Variants in MICU3 observed in about 807,000 individuals in gnomAD.
The protein encoded by MICU3 is calcium uptake protein 3, mitochondrial.
Under a neutral mutation model 66.5 loss-of-function variants are expected in MICU3, and 62 were observed. The observed-to-expected ratio is 0.93, with a 90% confidence interval of 0.76 to 1.15. The LOEUF is 1.15. Ranked by LOEUF, MICU3 falls within the 50% of genes most tolerant of loss-of-function variation. The pLI, the probability that MICU3 is intolerant of heterozygous loss-of-function variation, is 0.00. For synonymous variants in MICU3, 308 were observed against 240.7 expected, an observed-to-expected ratio of 1.28 and a Z score of -2.59; for missense variants, 779 against 664.4, an observed-to-expected ratio of 1.17 and a Z score of -1.90.
chr8:17,134,464 A>T, the MICU3 span, among the ~76,000 whole-genome samples: 2 of 122,762 alleles, frequency 1.6e-5, no homozygotes, highest in African/African-American at 2.9e-5. Flanking sequence ...TGTTTGTTTG[A>T]GACAGAGCCT....
rs1405754085 is a variant in MICU3, at chr8:17,064,124, A to G, written c.422A>G (p.Tyr141Cys). The G allele has an allele frequency of 1.2e-6, 2 of 1,613,202 alleles. No individual in the cohort carries two copies. Among genetic ancestry groups the G allele is most frequent in the African/African-American group, 2.7e-5 (2 of 74,904 alleles). Residue 141 changes from tyrosine (Y) to cysteine (C), a missense_variant, in exon 2 of 15, where the codon TAT becomes TGT. Coordinates refer to ENST00000318063, the MANE Select transcript of MICU3 (RefSeq NM_181723.3). ...GRTDIEDLDL[Y>C]ATSRERRFRL... is the part of the protein sequence containing the mutation. ...ACAGACATTGAAGACTTAGACCTTT[A>G]TGCCACATCTCGGGAGAGGCGATTT... is the stretch of plus-strand genomic sequence containing the variant.
chr8:17,118,642 G>A (rs113242935), intron 13 of MICU3, 65 bp from the exon 14 acceptor site: 2 of 1,022,768 alleles, frequency 2.0e-6, no homozygotes, highest in South Asian at 1.5e-5. Flanking sequence ...GATTCCACAT[G>A]TAAGTGAAAT....
chr8:17,054,388 C>T (rs935816649), intron 1 of MICU3, among the ~76,000 whole-genome samples: 1 of 152,076 alleles, frequency 6.6e-6, no homozygotes, highest in Admixed American at 6.5e-5. Flanking sequence ...AGTTTATATA[C>T]ATATATGTAT....
chr8:17,124,040 T>A (rs771828173), downstream of MICU3, among the ~76,000 whole-genome samples: 5 of 152,006 alleles, frequency 3.3e-5, no homozygotes, highest in Non-Finnish European at 7.4e-5. Context: ...GTATCTACCT[T>A]CATATTTCAA....
intron 1 of MICU3, among the ~76,000 whole-genome samples, chr8:17,059,695 A>C (rs1817528910): frequency 6.6e-6 from 1 of 152,234 alleles, no homozygotes; most frequent in Non-Finnish European, 1.5e-5. Flanking sequence ...AACAAAAAGT[A>C]ACCAACTGAA....
At chr8:17,067,616 C>A (rs938342652) in intron 2 of MICU3, among the ~76,000 whole-genome samples, 1 of 151,926 alleles carries the variant, frequency 6.6e-6, no homozygotes, top group South Asian at 2.1e-4. Flanking sequence ...TTTTGCAGAG[C>A]TGGAGTTTCA....
intron 4 of MICU3, among the ~76,000 whole-genome samples, chr8:17,080,146 C>T (rs1000998175): frequency 4.0e-5 from 6 of 151,744 alleles, no homozygotes; most frequent in Admixed American, 2.0e-4. Flanking sequence ...TTATAGTATT[C>T]TGTTTGTATA....
intron 1 of MICU3, among the ~76,000 whole-genome samples, chr8:17,034,660 T>C (rs1337927068): frequency 1.3e-5 from 2 of 152,194 alleles, no homozygotes; most frequent in African/African-American, 4.8e-5. Context: ...AAGATTTCAG[T>C]GAAGGAAGTA....
At position 17,027,460 on chromosome 8, in the gene MICU3, C is replaced by A. The variant is rs746517203; in HGVS notation, c.181C>A (p.Arg61=). The change falls in exon 1 of 15, where the codon CGG becomes AGG. Residue 61 remains arginine, a synonymous_variant. Transcript: ENST00000318063. ...RAVAEAAWRR[R]RRWGELSVAA... ...TGTGGCGGAGGCGGCATGGAGGCGG[C>A]GGCGGCGCTGGGGGGAGCTGAGCGT... The A allele has an allele frequency of 1.8e-5, 23 of 1,295,916 alleles. No individual in the cohort carries two copies. The highest frequency in any genetic ancestry group is 2.2e-5 in the Non-Finnish European group (23 of 1,026,708). The allele number at this position is 1,295,916 out of a possible 1,614,324, so 80.3% of individuals were successfully genotyped here.
chr8:17,052,325 C>G (rs1288320632), intron 1 of MICU3, among the ~76,000 whole-genome samples: 2 of 152,022 alleles, frequency 1.3e-5, no homozygotes, highest in Admixed American at 1.3e-4. Context: ...TTATCCATCC[C>G]CTTGAACATT....
At position 17,116,613 on chromosome 8, in the gene MICU3, AT is replaced by A; in HGVS notation, c.1524+17del. On this transcript the variant is annotated intron_variant, in intron 13 of 14. Coordinates refer to ENST00000318063, the MANE Select transcript of MICU3 (RefSeq NM_181723.3). Reference sequence around the variant, plus strand: ...TAGAGGATTCCGGGTAAACCTACACATTTTAAACCTATTGATATCCTTTTTA... The same window carrying A: ...TAGAGGATTCCGGGTAAACCTACACATTTAAACCTATTGATATCCTTTTTA... The A allele has an allele frequency of 6.5e-7, 1 of 1,528,376 alleles. No individual in the cohort carries two copies. The highest frequency in any genetic ancestry group is 8.8e-7 in the Non-Finnish European group (1 of 1,142,508). The allele number at this position is 1,528,376 out of a possible 1,614,324, so 94.7% of individuals were successfully genotyped here.
intron 1 of MICU3, among the ~76,000 whole-genome samples, chr8:17,028,493 A>G (rs139538556): frequency 1.3e-5 from 2 of 152,356 alleles, no homozygotes; most frequent in East Asian, 1.9e-4. Context: ...GTAAATGACT[A>G]GGAAAATTAA....
intron 1 of MICU3, among the ~76,000 whole-genome samples, chr8:17,050,411 T>A (rs990686963): frequency 1.3e-5 from 2 of 152,050 alleles, no homozygotes; most frequent in Non-Finnish European, 2.9e-5. Flanking sequence ...ATATACCACT[T>A]TATTAATATT....
chr8:17,060,281 T>C (rs1000399835), intron 1 of MICU3, among the ~76,000 whole-genome samples: 2 of 146,816 alleles, frequency 1.4e-5, no homozygotes, highest in African/African-American at 5.2e-5. Flanking sequence ...TGGGTTATCA[T>C]GGGGAAACTG....
intron 9 of MICU3, 73 bp downstream of exon 9, chr8:17,098,626 C>T (rs1800980607): frequency 3.0e-6 from 3 of 1,005,474 alleles, no homozygotes; most frequent in African/African-American, 1.6e-5. Context: ...TCATTTTAGT[C>T]ACAGTGATGA....
intron 9 of MICU3, among the ~76,000 whole-genome samples, chr8:17,099,639 G>A: frequency 6.6e-6 from 1 of 151,722 alleles, no homozygotes; most frequent in East Asian, 1.9e-4. Flanking sequence ...TTCAATATGA[G>A]CCATGATTAG....
chr8:17,108,310 A>C (rs1416315034), intron 11 of MICU3, among the ~76,000 whole-genome samples: 2 of 152,178 alleles, frequency 1.3e-5, no homozygotes. Context: ...ACTACTGATT[A>C]GTAGTCATTA....
rs1050850807 is a variant in MICU3, at chr8:17,122,073, T to C, written c.*1786T>C. On this transcript the variant is annotated 3_prime_UTR_variant, in exon 15 of 15. Coordinates refer to ENST00000318063, the MANE Select transcript of MICU3 (RefSeq NM_181723.3). ...ATAGATTAAAAATTAAATTAGCCCATTGAAATCCTTTATAATTCTGTCATT... is the reference window on the plus strand; with the variant it reads ...ATAGATTAAAAATTAAATTAGCCCACTGAAATCCTTTATAATTCTGTCATT... The C allele has an allele frequency of 1.3e-5, 2 of 151,866 alleles. No individual in the cohort carries two copies. The highest frequency in any genetic ancestry group is 2.4e-5 in the African/African-American group (1 of 41,444). 9.4% of individuals were successfully genotyped at this position (151,866 alleles called of 1,614,324 possible). A position where few individuals can be genotyped will look rare whatever the true frequency, so the allele number is the denominator to read the frequency against.
chr8:17,044,388 AT>A (rs1316969658), intron 1 of MICU3, among the ~76,000 whole-genome samples: 1 of 152,242 alleles, frequency 6.6e-6, no homozygotes, highest in African/African-American at 2.4e-5. Context: ...AGAAAGTAGC[AT>A]TCTTAGATGG....
Sources: gnomAD v4.1 joint callset for allele counts (sites outside exome capture counted in the v4.1 genomes callset) on GRCh38, gnomAD v4.1.1 for gene constraint, MANE v1.5 for transcripts, NCBI Gene and HGNC (gene_info 2026-07-23, HGNC 2026-07-21) for gene names.